Variants in NUP214 observed in about 807,000 individuals in gnomAD.
NUP214 encodes nuclear pore complex protein Nup214.
In NUP214, 79 loss-of-function variants were observed where a neutral mutation model predicts 196.2. The ratio of observed to expected loss-of-function variants is 0.40; its 90% confidence interval spans 0.34 to 0.49. The LOEUF is 0.49. Among genes scored for constraint, NUP214 ranks in the 20% least tolerant of loss-of-function variants. The probability of loss-of-function intolerance (pLI) is 0.58; values close to 1 mark genes in which losing one functional copy is unlikely to be tolerated. For synonymous variants in NUP214, 1,020 were observed against 990.5 expected (o/e 1.03, Z -0.56); for missense variants, 2,468 against 2,539.0 (o/e 0.97, Z 0.60).
chr9:131,195,462 T>C, intron 28 of NUP214, 168 bp downstream of exon 28: 1 of 470,888 alleles, frequency 2.1e-6, no homozygotes. Context: ...TTTAAGAAAC[T>C]GATGTGAAGG....
chr9:131,132,676 T>A lies in NUP214; in HGVS notation c.727+17T>A. 6.2e-7 allele frequency: 1 copy of A among 1,607,442 alleles called. No individual in the cohort carries two copies. The highest frequency in any genetic ancestry group is 2.2e-5 in the East Asian group (1 of 44,840). On this transcript the variant is annotated intron_variant, in intron 6 of 35. Coordinates refer to ENST00000359428, the MANE Select transcript of NUP214 (RefSeq NM_005085.4). ...CTGTCAGAGGTAACAACTGCTTTTCTTATTGGGCTGACCTCTAATGACATG... is the reference window on the plus strand; with the variant it reads ...CTGTCAGAGGTAACAACTGCTTTTCATATTGGGCTGACCTCTAATGACATG...
chr9:131,186,296 T>G (rs924883856), intron 24 of NUP214, among the ~76,000 whole-genome samples: 25 of 152,378 alleles, frequency 1.6e-4, no homozygotes, highest in African/African-American at 5.8e-4. Context: ...GAACATAAGT[T>G]CACTTTTTCT....
Position 131,163,058 on chromosome 9 carries a change from C to A in NUP214, c.2608C>A (p.Gln870Lys), listed in dbSNP as rs1450199152. 1 of 1,614,056 alleles carries A rather than the reference C, an allele frequency of 6.2e-7. No individual in the cohort carries two copies. The highest frequency in any genetic ancestry group is 1.3e-5 in the African/African-American group (1 of 74,932). The change falls in exon 19 of 36, where the codon CAA (glutamine) becomes AAA (lysine). Residue 870 changes from glutamine to lysine, a missense_variant. Around this residue, in one of 5 missense-constraint regions of NUP214, gnomAD observed 1,801 missense variants for 1,779.4 expected, o/e 1.01. Coordinates refer to ENST00000359428, the MANE Select transcript of NUP214 (RefSeq NM_005085.4). Reference sequence around the variant, plus strand: ...AGCCAACAATCGGGAAATCATCAACCAACAGAGGAAGAGGCTGAATCACCT... The same window carrying A: ...AGCCAACAATCGGGAAATCATCAACAAACAGAGGAAGAGGCTGAATCACCT... ...TLANNREIIN[Q>K]QRKRLNHLVD...
chr9:131,204,204 C>T (rs1402191931), intron 30 of NUP214, among the ~76,000 whole-genome samples: 1 of 152,204 alleles, frequency 6.6e-6, no homozygotes. Flanking sequence ...TGTAAATCAG[C>T]TGGGGCTTAC....
chr9:131,220,543 G>A (rs1050752724), intron 31 of NUP214, among the ~76,000 whole-genome samples: 1 of 152,216 alleles, frequency 6.6e-6, no homozygotes, highest in Non-Finnish European at 1.5e-5. Context: ...TGTCTTACTA[G>A]CTGAAGTGTG....
chr9:131,223,866 C>T (rs1185332085), intron 32 of NUP214, among the ~76,000 whole-genome samples: 1 of 149,992 alleles, frequency 6.7e-6, no homozygotes, highest in African/African-American at 2.4e-5. Flanking sequence ...TCCCAAGTAG[C>T]TGGGACTACA....
intron 8 of NUP214, 65 bp downstream of exon 8, chr9:131,135,069 TC>T: frequency 9.0e-7 from 1 of 1,115,400 alleles, no homozygotes; most frequent in Non-Finnish European, 1.4e-6. Flanking sequence ...AGTCACCTTG[TC>T]CCATGTTGAA....
intron 30 of NUP214, among the ~76,000 whole-genome samples, chr9:131,204,580 G>GC (rs1287784237): frequency 6.6e-6 from 1 of 152,180 alleles, no homozygotes; most frequent in Non-Finnish European, 1.5e-5. Flanking sequence ...GCTGGATTTG[G>GC]CCCCTGCGCT....
intron 31 of NUP214, 67 bp downstream of exon 31, chr9:131,215,435 C>T (rs1564215110): frequency 1.5e-6 from 2 of 1,344,628 alleles, no homozygotes; most frequent in Non-Finnish European, 9.7e-7. Flanking sequence ...AGGGTGTTAT[C>T]AAAGCTTCAG....
intron 30 of NUP214, among the ~76,000 whole-genome samples, chr9:131,213,822 G>A (rs1834317850): frequency 6.6e-6 from 1 of 151,746 alleles, no homozygotes; most frequent in African/African-American, 2.4e-5. Context: ...AAGAGACTAG[G>A]AAGTACATTA....
chr9:131,195,401 A>G (rs778194530), intron 28 of NUP214, 107 bp downstream of exon 28: 2 of 862,406 alleles, frequency 2.3e-6, no homozygotes, highest in Admixed American at 1.8e-5. Flanking sequence ...TCTTACTTAC[A>G]GTATCTGCAA....
Position 131,175,593 on chromosome 9 carries a change from C to T in NUP214, c.3291C>T (p.Leu1097=), listed in dbSNP as rs747261896. The T allele has an allele frequency of 2.5e-6, 4 of 1,614,078 alleles. No individual in the cohort carries two copies. The highest frequency in any genetic ancestry group is 1.6e-4 in the Middle Eastern group (1 of 6,082). The change falls in exon 23 of 36, where the codon CTC becomes CTT. Residue 1097 remains leucine, a synonymous_variant. Coordinates refer to ENST00000359428, the MANE Select transcript of NUP214 (RefSeq NM_005085.4). ...CGCAGGCAGCTGCCGCAGCAGCACTCAGGCGGCAGATGGCCAGTCAGGCAC... is the reference window on the plus strand; with the variant it reads ...CGCAGGCAGCTGCCGCAGCAGCACTTAGGCGGCAGATGGCCAGTCAGGCAC... ...SAPQAAAAAA[L]RRQMASQAPA... is the part of the protein sequence containing the mutation.
At chr9:131,223,709 ATTTT>A (rs1307889024) in intron 32 of NUP214, among the ~76,000 whole-genome samples, 1 of 32,378 alleles carries the variant, frequency 3.1e-5, no homozygotes, top group East Asian at 1.1e-3. Flanking sequence ...CTTTTTTTTT[ATTTT>A]TATTTATTTA....
chr9:131,201,816 G>C, intron 30 of NUP214, 99 bp downstream of exon 30: 12 of 996,082 alleles, frequency 1.2e-5, no homozygotes, highest in Non-Finnish European at 1.8e-5. Context: ...TCTAAATCCA[G>C]CAAATATAGC....
At chr9:131,203,656 G>A (rs1435768258) in intron 30 of NUP214, among the ~76,000 whole-genome samples, 1 of 152,166 alleles carries the variant, frequency 6.6e-6, no homozygotes, top group East Asian at 1.9e-4. Context: ...GTTTCTGGTA[G>A]TAGAGGACTA....
At chr9:131,174,388 G>A in intron 22 of NUP214, 70 bp downstream of exon 22, 1 of 1,512,770 alleles carries the variant, frequency 6.6e-7, no homozygotes, top group Non-Finnish European at 9.0e-7. Flanking sequence ...AATTGTAACT[G>A]GGTCTTATAC....
At chr9:131,132,767 T>G in intron 6 of NUP214, 108 bp downstream of exon 6, 2 of 938,826 alleles carry the variant, frequency 2.1e-6, no homozygotes, top group Non-Finnish European at 1.7e-6. Flanking sequence ...GGTGTTTGCT[T>G]TATGAATAAT....
At chr9:131,154,413 T>C (rs925470894) in intron 17 of NUP214, among the ~76,000 whole-genome samples, 1 of 152,094 alleles carries the variant, frequency 6.6e-6, no homozygotes, top group Non-Finnish European at 1.5e-5. Context: ...GAGTCCATTG[T>C]ATCATTCTGT....
intron 29 of NUP214, among the ~76,000 whole-genome samples, chr9:131,200,333 C>T (rs577097393): frequency 8.5e-4 from 130 of 152,308 alleles, no homozygotes; most frequent in African/African-American, 2.9e-3. Context: ...CCCAGCAATT[C>T]GGGAGGCCGA....
Sources: allele counts gnomAD v4.1 joint callset (sites outside exome capture counted in the v4.1 genomes callset), GRCh38; gene constraint gnomAD v4.1.1; regional missense constraint gnomAD v4.1.1; transcripts MANE v1.5; gene names NCBI Gene and HGNC (gene_info 2026-07-23, HGNC 2026-07-21).